The following CHRNA1 variants were observed in gnomAD, a reference collection of about 807,000 sequenced individuals.
The protein encoded by CHRNA1 is acetylcholine receptor subunit alpha.
In CHRNA1, 35 loss-of-function variants were observed where a neutral mutation model predicts 47.1. That is an observed-to-expected ratio of 0.74 (90% CI 0.57 to 0.99). CHRNA1 has a LOEUF of 0.99. CHRNA1 is among the 50% of genes least tolerant of loss of function. The pLI is 0.00. For synonymous variants in CHRNA1, 229 were observed against 223.6 expected, an observed-to-expected ratio of 1.02 and a Z score of -0.22; for missense variants, 506 against 591.1, an observed-to-expected ratio of 0.86 and a Z score of 1.49.
chr2:174,753,789 AG>A (rs1380593134), intron 5 of CHRNA1, 49 bp from the exon 6 acceptor site: 2 of 1,566,632 alleles, frequency 1.3e-6, no homozygotes, highest in African/African-American at 2.7e-5. Context: ...CACCCTGATG[AG>A]GGGCAGCGTT....
Position 174,748,034 on chromosome 2 carries a change from G to A in CHRNA1, c.*90C>T, listed in dbSNP as rs566606143. 80 of 1,497,072 alleles carry A rather than the reference G, an allele frequency of 5.3e-5. No homozygotes were observed. The South Asian group carries it at 8.7e-4, about 16-fold the overall frequency. The allele number at this position is 1,497,072 out of a possible 1,614,324, so 92.7% of individuals were successfully genotyped here. On this transcript the variant is annotated 3_prime_UTR_variant, in exon 9 of 9. Transcript: ENST00000348749. ...ATGGAATATAACACGTTTGATAAGTGCGAGTGGAGCAAGTAGACAAATCTT... is the reference window on the plus strand; with the variant it reads ...ATGGAATATAACACGTTTGATAAGTACGAGTGGAGCAAGTAGACAAATCTT...
At chr2:174,761,564 C>G (rs564478883) in intron 1 of CHRNA1, among the ~76,000 whole-genome samples, 1 of 152,296 alleles carries the variant, frequency 6.6e-6, no homozygotes, top group South Asian at 2.1e-4. Context: ...ATCCACCCAC[C>G]TCATCCTCCC....
At chr2:174,763,062 T>C (rs1165013765) in intron 1 of CHRNA1, among the ~76,000 whole-genome samples, 1 of 152,212 alleles carries the variant, frequency 6.6e-6, no homozygotes, top group Non-Finnish European at 1.5e-5. Flanking sequence ...AGGTCAGCTT[T>C]AGTTTCCTTG....
chr2:174,757,934 G>A, intron 3 of CHRNA1: 1 of 1,410,130 alleles, frequency 7.1e-7, no homozygotes, highest in Non-Finnish European at 1.0e-6. Flanking sequence ...TGAGGGGAGG[G>A]TGATTACTGA....
rs377629045 is a variant in CHRNA1 at position 174,764,399 on chromosome 2, T to A, written c.-5A>T. ...GAGGAGAGGCCAGGGCTCCATGGGCTACCGGAGCTTGTGTGGACCAGGGCA... is the reference window on the plus strand; with the variant it reads ...GAGGAGAGGCCAGGGCTCCATGGGCAACCGGAGCTTGTGTGGACCAGGGCA... On this transcript the variant is annotated 5_prime_UTR_variant, in exon 1 of 9. Transcript: ENST00000348749. The A allele has an allele frequency of 2.5e-6, 4 of 1,612,344 alleles. No homozygotes were observed. The African/African-American group carries it at 4.0e-5, about 16-fold the overall frequency.
intron 1 of CHRNA1, 118 bp from the exon 2 acceptor site, chr2:174,759,751 C>G (rs76603995): frequency 1.5e-6 from 2 of 1,338,246 alleles, no homozygotes; most frequent in Non-Finnish European, 1.0e-6. Flanking sequence ...AGAAGGCACA[C>G]AGGCCTCCTT....
Position 174,748,809 on chromosome 2 carries a change from T to C in CHRNA1, c.1013A>G (p.Asp338Gly), listed in dbSNP as rs753739833. 6.2e-7 allele frequency: 1 copy of C among 1,614,090 alleles called. No individual in the cohort carries two copies. The highest frequency in any genetic ancestry group is 1.1e-5 in the South Asian group (1 of 91,060). ...GAAAAACATGATATTTGGGATAGTG[T>C]CGATAAAAACCTAACATAAAAAAGA... ...MPNWVRKVFIDTIPNIMFFST... is the reference protein window; with the variant it reads ...MPNWVRKVFIGTIPNIMFFST... Residue 338 changes from aspartate (D) to glycine (G), a missense_variant, in exon 8 of 9, where the codon GAC (aspartate) becomes GGC (glycine). Coordinates refer to ENST00000348749, the MANE Select transcript of CHRNA1 (RefSeq NM_000079.4).
At chr2:174,755,707 G>A (rs1683969646) in intron 4 of CHRNA1, among the ~76,000 whole-genome samples, 1 of 152,078 alleles carries the variant, frequency 6.6e-6, no homozygotes, top group Non-Finnish European at 1.5e-5. Flanking sequence ...CGTGAGCATT[G>A]CGCCCAGTGA....
chr2:174,753,599 G>A lies in CHRNA1; in HGVS notation c.682C>T (p.Gln228Ter). ...YLDITYHFVM[Q>*]RLPLYFIVNV... ...ACGATGAAGTAGAGGGGCAGGCGCT[G>A]CATGACGAAGTGGTAGGTGATGTCC... Residue 228 changes from glutamine to a stop codon, truncating the protein, a stop_gained, in exon 6 of 9, where the codon CAG becomes TAG. Transcript: ENST00000348749. LOFTEE classifies it high-confidence loss of function. 6.2e-7 allele frequency: 1 copy of A among 1,614,170 alleles called. No individual in the cohort carries two copies. Among genetic ancestry groups the A allele is most frequent in the Non-Finnish European group, 8.5e-7 (1 of 1,180,024 alleles).
intron 4 of CHRNA1, among the ~76,000 whole-genome samples, chr2:174,756,845 T>C (rs1028939899): frequency 1.3e-5 from 2 of 152,234 alleles, no homozygotes; most frequent in African/African-American, 4.8e-5. Context: ...TGTCAGACCA[T>C]AAATCCTCCC....
At chr2:174,755,775 C>A (rs887275970) in intron 4 of CHRNA1, among the ~76,000 whole-genome samples, 1 of 152,058 alleles carries the variant, frequency 6.6e-6, no homozygotes, top group African/African-American at 2.4e-5. Context: ...GTGGCTCATG[C>A]CTGTAATCCC....
In CHRNA1 at chr2:174,750,181, A is replaced by T; in HGVS notation, c.779-12T>A. The T allele has an allele frequency of 5.2e-4, 2 of 3,872 alleles. No homozygotes were observed. The highest frequency in any genetic ancestry group is 9.1e-4 in the Non-Finnish European group (2 of 2,186). The allele number at this position is 3,872 out of a possible 1,614,324, so 0.2% of individuals were successfully genotyped here. The stretch of plus-strand genomic sequence containing the variant: ...AGTCATCTTCTCCCCTGAAAAGACC[A>T]AAAAAAAAAAAAAAAATCCCACAAC... On this transcript the variant is annotated splice_polypyrimidine_tract_variant and intron_variant, in intron 6 of 8. Transcript: ENST00000348749.
chr2:174,757,972 G>A (rs770791722), intron 3 of CHRNA1: 22 of 1,602,100 alleles, frequency 1.4e-5, no homozygotes, highest in Non-Finnish European at 1.7e-5. Flanking sequence ...GAAAACAAAG[G>A]AACTCCCAAA....
At chr2:174,763,409 T>C (rs1193900480) in intron 1 of CHRNA1, among the ~76,000 whole-genome samples, 1 of 152,174 alleles carries the variant, frequency 6.6e-6, no homozygotes, top group Non-Finnish European at 1.5e-5. Context: ...ATATAATTTA[T>C]CTGAGTTTAG....
At chr2:174,754,164 G>C (rs1683920508) in intron 5 of CHRNA1, 55 bp downstream of exon 5, 2 of 1,525,772 alleles carry the variant, frequency 1.3e-6, no homozygotes, top group African/African-American at 1.4e-5. Flanking sequence ...AAAAGTTGGA[G>C]ACCCGAATCA....
chr2:174,748,551 A>C (rs1461442293), intron 8 of CHRNA1, 29 bp downstream of exon 8: 5 of 1,607,988 alleles, frequency 3.1e-6, no homozygotes, highest in Middle Eastern at 3.3e-4. Context: ...TTAAACCCAG[A>C]GGCATGAATT....
Position 174,748,681 on chromosome 2 carries a change from C to T in CHRNA1, c.1141G>A (p.Gly381Ser), listed in dbSNP as rs199594911. 1.2e-6 allele frequency: 2 copies of T among 1,614,180 alleles called. No homozygotes were observed. Among genetic ancestry groups the T allele is most frequent in the East Asian group, 4.5e-5 (2 of 44,882 alleles). The stretch of plus-strand genomic sequence containing the variant: ...TGTTTGATCAGGGGAGAGTGGAAGC[C>T]CATGGGTGGAGGCCCTGGCTTTCCA... ...ISGKPGPPPM[G>S]FHSPLIKHPE... The change falls in exon 8 of 9, where the codon GGC becomes AGC. Residue 381 changes from glycine (G) to serine (S), a missense_variant. Physicochemically the swap from Gly to Ser is moderately conservative, Grantham distance 56 (BLOSUM62 0). Transcript: ENST00000348749.
In CHRNA1 at chr2:174,753,694, C is replaced by A; in HGVS notation, c.587G>T (p.Trp196Leu). ...CCAGCCCCGGGACTCCTTGATCACC[C>A]ACTCCCCGCTCTCCATGAAGTTGCT... ...DLSNFMESGE[W>L]VIKESRGWKH... Residue 196 changes from tryptophan to leucine, a missense_variant, in exon 6 of 9, where the codon TGG (tryptophan) becomes TTG (leucine). Coordinates refer to ENST00000348749, the MANE Select transcript of CHRNA1 (RefSeq NM_000079.4). 1 of 1,614,070 alleles carries A rather than the reference C, an allele frequency of 6.2e-7. No homozygotes were observed. The highest frequency in any genetic ancestry group is 8.5e-7 in the Non-Finnish European group (1 of 1,180,018).
intron 6 of CHRNA1, chr2:174,752,797 T>C (rs890717311): frequency 1.3e-5 from 2 of 152,010 alleles, no homozygotes; most frequent in Non-Finnish European, 2.9e-5. Flanking sequence ...TTGCTACCTG[T>C]CATAAGCTTG....
Sources: gnomAD v4.1 joint callset for allele counts (sites outside exome capture counted in the v4.1 genomes callset) on GRCh38, gnomAD v4.1.1 for gene constraint, MANE v1.5 for transcripts, NCBI Gene and HGNC (gene_info 2026-07-23, HGNC 2026-07-21) for gene names.